The following TBC1D22A variants were observed in gnomAD, a reference collection of about 807,000 sequenced individuals.
TBC1D22A encodes the protein putative GTPase activator.
Under a neutral mutation model 60.2 loss-of-function variants are expected in TBC1D22A, and 38 were observed. That is an observed-to-expected ratio of 0.63 (90% confidence interval 0.49 to 0.83). TBC1D22A has a LOEUF of 0.83. Ranked by LOEUF, TBC1D22A falls within the 40% of genes least tolerant of loss-of-function variation. The pLI, the probability that TBC1D22A is intolerant of heterozygous loss-of-function variation, is 0.00. For missense variants in TBC1D22A, 628 were observed against 701.0 expected, an observed-to-expected ratio of 0.90 and a Z score of 1.18; for synonymous variants, 302 against 281.7, an observed-to-expected ratio of 1.07 and a Z score of -0.72.
chr22:47,069,478 A>G (rs2063884756), intron 11 of TBC1D22A, among the ~76,000 whole-genome samples: 1 of 152,136 alleles, frequency 6.6e-6, no homozygotes, highest in Non-Finnish European at 1.5e-5. Context: ...TCAGTGTTGC[A>G]TATGTCAGGA....
At chr22:46,979,395 C>T (rs751238778) in intron 9 of TBC1D22A, among the ~76,000 whole-genome samples, 28 of 152,202 alleles carry the variant, frequency 1.8e-4, no homozygotes, top group Admixed American at 2.6e-4. Context: ...TCCAGAGACC[C>T]GCGTTTGAAT....
At chr22:46,987,724 C>G (rs1210491230) in intron 9 of TBC1D22A, among the ~76,000 whole-genome samples, 2 of 152,304 alleles carry the variant, frequency 1.3e-5, no homozygotes, top group African/African-American at 4.8e-5. Context: ...AGGGTGTTTT[C>G]TCGTCTTGAC....
At chr22:46,963,065 A>G (rs1430047630) in intron 8 of TBC1D22A, among the ~76,000 whole-genome samples, 1 of 151,510 alleles carries the variant, frequency 6.6e-6, no homozygotes, top group Non-Finnish European at 1.5e-5. Flanking sequence ...ATACAAAAAA[A>G]AAAAAATTAG....
chr22:47,039,347 A>G (rs770797770), intron 11 of TBC1D22A, among the ~76,000 whole-genome samples: 2 of 152,124 alleles, frequency 1.3e-5, no homozygotes, highest in Non-Finnish European at 2.9e-5. Context: ...ATGAAATTGT[A>G]TTGCATCTTT....
rs181021160 is a variant in TBC1D22A at position 46,955,642 on chromosome 22, A to C, written c.1016-18648A>C. Among the ~76,000 whole-genome samples the C allele has an allele frequency of 5.9e-5, 9 of 152,366 alleles. No homozygotes were observed. The East Asian group carries it at 1.5e-3, about 26-fold the overall frequency. On this transcript the variant is annotated intron_variant, in intron 8 of 12. Coordinates refer to ENST00000337137, the MANE Select transcript of TBC1D22A (RefSeq NM_014346.5). ...GAAACACAAATGACTAATAAGCTGA[A>C]AAAACCGTCTAACTTCACAGGTAAT...
intron 8 of TBC1D22A, among the ~76,000 whole-genome samples, chr22:46,923,204 C>A (rs1300957159): frequency 6.6e-6 from 1 of 152,250 alleles, no homozygotes; most frequent in Admixed American, 6.5e-5. Context: ...GGCCATCCCA[C>A]TGTTGAGAAG....
chr22:47,037,043 C>A, intron 10 of TBC1D22A, 28 bp from the exon 11 acceptor site: 2 of 1,612,224 alleles, frequency 1.2e-6, no homozygotes, highest in Non-Finnish European at 8.5e-7. Flanking sequence ...CCCCTGACAG[C>A]CTTGGGGCCT....
chr22:46,879,182 A>G (rs2067725089), intron 5 of TBC1D22A, among the ~76,000 whole-genome samples: 2 of 150,726 alleles, frequency 1.3e-5, no homozygotes, highest in South Asian at 4.2e-4. Context: ...GGATGAGACA[A>G]GTGGTTTGTG....
chr22:47,111,503 T>C lies in TBC1D22A; in HGVS notation c.1330-5T>C. The C allele has an allele frequency of 6.2e-7, 1 of 1,612,256 alleles. No homozygotes were observed. On this transcript the variant is annotated splice_region_variant and splice_polypyrimidine_tract_variant and intron_variant, in intron 11 of 12. Coordinates refer to ENST00000337137, the MANE Select transcript of TBC1D22A (RefSeq NM_014346.5). ...TTTCTCTCTTGGTTATTTTTTCTCT[T>C]TTAGTCTGAACCGGACGGCTTTTCT...
chr22:46,763,707 C>T (rs1168402347), intron 1 of TBC1D22A: 2 of 152,162 alleles, frequency 1.3e-5, no homozygotes, highest in East Asian at 3.8e-4. Flanking sequence ...CATTCATAAA[C>T]ACAGTAAAAT....
intron 10 of TBC1D22A, among the ~76,000 whole-genome samples, chr22:47,012,926 G>C (rs2061796505): frequency 6.6e-6 from 1 of 152,154 alleles, no homozygotes; most frequent in African/African-American, 2.4e-5. Context: ...CGGAGCAGAG[G>C]GTCCTCTGAG....
chr22:47,070,272 G>A (rs1370294807), intron 11 of TBC1D22A, among the ~76,000 whole-genome samples: 2 of 145,380 alleles, frequency 1.4e-5, no homozygotes, highest in African/African-American at 2.6e-5. Flanking sequence ...TTGGTTGGAC[G>A]CTGTCCCCTG....
At chr22:46,909,663 T>C (rs907452593) in intron 7 of TBC1D22A, among the ~76,000 whole-genome samples, 2 of 152,114 alleles carry the variant, frequency 1.3e-5, no homozygotes, top group African/African-American at 4.8e-5. Context: ...CTGCTGCTCC[T>C]GTTCTTGTGT....
At chr22:46,989,546 C>T (rs2074855169) in intron 9 of TBC1D22A, among the ~76,000 whole-genome samples, 1 of 151,794 alleles carries the variant, frequency 6.6e-6, no homozygotes, top group Non-Finnish European at 1.5e-5. Context: ...TAGGAAGGCC[C>T]GAGGAGAGGG....
chr22:46,992,576 T>C (rs1349427980), intron 9 of TBC1D22A, among the ~76,000 whole-genome samples: 1 of 152,244 alleles, frequency 6.6e-6, no homozygotes, highest in Non-Finnish European at 1.5e-5. Context: ...GGGATAGCAT[T>C]CCCAGGCCTG....
chr22:47,083,714 A>C (rs367650097), intron 11 of TBC1D22A, among the ~76,000 whole-genome samples: 1 of 152,122 alleles, frequency 6.6e-6, no homozygotes, highest in African/African-American at 2.4e-5. Context: ...CATCTTAGGG[A>C]GGTAGGGTAG....
intron 12 of TBC1D22A, among the ~76,000 whole-genome samples, chr22:47,139,628 C>G (rs1392382835): frequency 6.6e-6 from 1 of 152,202 alleles, no homozygotes; most frequent in African/African-American, 2.4e-5. Flanking sequence ...GACCGCCATT[C>G]CTGGGTGAGT....
At chr22:46,904,142 T>TCTATCTATCTATCTATCCGCCTACCTAC (rs57116517) in intron 7 of TBC1D22A, among the ~76,000 whole-genome samples, 1 of 134,500 alleles carries the variant, frequency 7.4e-6, no homozygotes, top group Non-Finnish European at 1.6e-5. Flanking sequence ...TATCTATCTA[T>TCTATCTATCTATCTATCCGCCTACCTAC]CTACCTACCT....
chr22:47,061,948 C>T (rs959481362), intron 11 of TBC1D22A, among the ~76,000 whole-genome samples: 2 of 151,824 alleles, frequency 1.3e-5, no homozygotes, highest in Non-Finnish European at 2.9e-5. Flanking sequence ...GTTAGCCAGG[C>T]GTGGTGGTGC....
Sources: allele counts gnomAD v4.1 joint callset (sites outside exome capture counted in the v4.1 genomes callset), GRCh38; gene constraint gnomAD v4.1.1; transcripts MANE v1.5; gene names NCBI Gene and HGNC (gene_info 2026-07-23, HGNC 2026-07-21).